ITFG1: variants seen among roughly 807,000 people sequenced by gnomAD.
ITFG1 encodes T-cell immunomodulatory protein.
In ITFG1, 34 loss-of-function variants were observed where a neutral mutation model predicts 81.8. That is an observed-to-expected ratio of 0.42 (90% confidence interval 0.32 to 0.55). ITFG1 has a LOEUF of 0.55. ITFG1 is among the 20% of genes least tolerant of loss of function. The probability of loss-of-function intolerance (pLI) is 0.17; values close to 1 mark genes in which losing one functional copy is unlikely to be tolerated. For synonymous variants in ITFG1, 285 were observed against 270.6 expected (o/e 1.05, Z -0.52); for missense variants, 672 against 755.4 (o/e 0.89, Z 1.29).
At chr16:47,203,772 T>C (rs1324298909) in intron 14 of ITFG1, among the ~76,000 whole-genome samples, 1 of 152,154 alleles carries the variant, frequency 6.6e-6, no homozygotes, top group East Asian at 1.9e-4. Flanking sequence ...TAACAGGCCA[T>C]GGATTGGTAC....
intron 8 of ITFG1, among the ~76,000 whole-genome samples, chr16:47,348,576 A>G (rs573533987): frequency 6.6e-6 from 1 of 152,370 alleles, no homozygotes; most frequent in African/African-American, 2.4e-5. Context: ...GACCAAATCT[A>G]CGTCTGAATG....
intron 8 of ITFG1, among the ~76,000 whole-genome samples, chr16:47,331,822 C>G (rs1195512484): frequency 6.6e-6 from 1 of 152,106 alleles, no homozygotes; most frequent in East Asian, 1.9e-4. Context: ...TTTTGTTGTA[C>G]GATCTATGAG....
intron 8 of ITFG1, among the ~76,000 whole-genome samples, chr16:47,327,879 T>TGTAA (rs1967575873): frequency 6.6e-6 from 1 of 152,242 alleles, no homozygotes; most frequent in African/African-American, 2.4e-5. Context: ...TTGGTGGGAC[T>TGTAA]GTAAACTAGT....
At chr16:47,449,583 T>C (rs1463380088) in intron 5 of ITFG1, 1 of 152,234 alleles carries the variant, frequency 6.6e-6, no homozygotes, top group East Asian at 1.9e-4. Flanking sequence ...TGCAAACTTA[T>C]CACTTAGATA....
chr16:47,230,393 T>A (rs1026279445), intron 13 of ITFG1, among the ~76,000 whole-genome samples: 1 of 152,090 alleles, frequency 6.6e-6, no homozygotes, highest in Non-Finnish European at 1.5e-5. Context: ...TTAAGGATAC[T>A]GAGGTGAGGA....
At chr16:47,379,587 C>CT (rs1333311069) in intron 6 of ITFG1, among the ~76,000 whole-genome samples, 2 of 151,410 alleles carry the variant, frequency 1.3e-5, no homozygotes, top group African/African-American at 4.9e-5. Context: ...ACTCAGGAGG[C>CT]TGATGCAGAA....
chr16:47,368,555 CAAAAAAAAAA>C (rs35965452), intron 7 of ITFG1, among the ~76,000 whole-genome samples: 5 of 33,548 alleles, frequency 1.5e-4, no homozygotes, highest in African/African-American at 4.1e-4. Context: ...GACTCCATCT[CAAAAAAAAAA>C]AAAAAAAAAA....
rs530550724 is a variant in ITFG1, at chr16:47,169,657, A to G, written c.1454-6993T>C. ...ATAGAAATCATTTTGCATGTTCCTAATTTAGAAGATTTTTATTTCTTTTTC... is the reference window on the plus strand; with the variant it reads ...ATAGAAATCATTTTGCATGTTCCTAGTTTAGAAGATTTTTATTTCTTTTTC... On this transcript the variant is annotated intron_variant, in intron 14 of 17. Coordinates refer to ENST00000320640, the MANE Select transcript of ITFG1 (RefSeq NM_030790.5). Among the ~76,000 whole-genome samples, 93 of 152,262 alleles carry G rather than the reference A, an allele frequency of 6.1e-4. 3 individuals are homozygous for G. The highest frequency in any genetic ancestry group is 4.6e-3 in the Admixed American group (71 of 15,298).
intron 6 of ITFG1, among the ~76,000 whole-genome samples, chr16:47,418,628 TAAAG>T (rs1968902931): frequency 3.3e-5 from 5 of 152,210 alleles, no homozygotes; most frequent in Admixed American, 3.3e-4. Context: ...CACTATTTAT[TAAAG>T]AAAGTTTCTA....
intron 13 of ITFG1, among the ~76,000 whole-genome samples, chr16:47,222,599 G>A (rs1426260563): frequency 6.6e-6 from 1 of 152,006 alleles, no homozygotes; most frequent in African/African-American, 2.4e-5. Flanking sequence ...ATTTTTAGTA[G>A]AGACGGGGTT....
chr16:47,324,867 T>A (rs1320333451), intron 8 of ITFG1, among the ~76,000 whole-genome samples: 1 of 152,066 alleles, frequency 6.6e-6, no homozygotes. Flanking sequence ...AGACTTAGAC[T>A]CCCACACAAT....
intron 10 of ITFG1, among the ~76,000 whole-genome samples, chr16:47,287,460 G>A (rs145629301): frequency 0.021 from 3,222 of 152,208 alleles, 50 homozygotes; most frequent in Middle Eastern, 0.048. Flanking sequence ...GAGTGCAGTG[G>A]CACAAACACA....
At chr16:47,222,914 T>C (rs1216922631) in intron 13 of ITFG1, among the ~76,000 whole-genome samples, 2 of 152,198 alleles carry the variant, frequency 1.3e-5, no homozygotes, top group African/African-American at 4.8e-5. Context: ...TAGATGTCTA[T>C]TTAGGAAATA....
chr16:47,237,887 A>G (rs546961309), intron 13 of ITFG1, 78 bp downstream of exon 13: 4 of 681,974 alleles, frequency 5.9e-6, no homozygotes, highest in Admixed American at 2.9e-5. Flanking sequence ...TTGATAATCT[A>G]TAACAACTAT....
chr16:47,184,388 G>A (rs1349715598), intron 14 of ITFG1, among the ~76,000 whole-genome samples: 1 of 152,230 alleles, frequency 6.6e-6, no homozygotes, highest in East Asian at 1.9e-4. Flanking sequence ...GAAAGGTCGG[G>A]TTACCCACAA....
chr16:47,345,300 T>G (rs972934058), intron 8 of ITFG1, among the ~76,000 whole-genome samples: 9 of 151,122 alleles, frequency 6.0e-5, no homozygotes, highest in Non-Finnish European at 8.8e-5. Context: ...TCTTTTTTTT[T>G]TTGTTTGTTT....
chr16:47,405,848 G>C (rs1968721334), intron 6 of ITFG1, among the ~76,000 whole-genome samples: 1 of 151,802 alleles, frequency 6.6e-6, no homozygotes, highest in Admixed American at 6.6e-5. Flanking sequence ...GGATGAATAA[G>C]GGGGGTACTT....
At chr16:47,177,579 G>A (rs556875466) in intron 14 of ITFG1, among the ~76,000 whole-genome samples, 7 of 152,150 alleles carry the variant, frequency 4.6e-5, no homozygotes, top group South Asian at 2.1e-4. Flanking sequence ...GTTAAATGCC[G>A]CATATACATA....
chr16:47,207,112 T>A lies in ITFG1; in HGVS notation c.1453+11756A>T, dbSNP rs544412678. ...TTTATTTTTTTTTTGAGACGGAGTC[T>A]CGCTCTGTCGCCCAGGCTGGAGTGC... On this transcript the variant is annotated intron_variant, in intron 14 of 17. Coordinates refer to ENST00000320640, the MANE Select transcript of ITFG1 (RefSeq NM_030790.5). Among the ~76,000 whole-genome samples the A allele has an allele frequency of 1.9e-3, 288 of 152,312 alleles. 4 individuals carry two copies. Among genetic ancestry groups the A allele is most frequent in the Non-Finnish European group, 3.0e-3 (206 of 68,030 alleles).
Sources: allele counts gnomAD v4.1 joint callset (sites outside exome capture counted in the v4.1 genomes callset), GRCh38; gene constraint gnomAD v4.1.1; transcripts MANE v1.5; gene names NCBI Gene and HGNC (gene_info 2026-07-23, HGNC 2026-07-21).